KATNIP: variants seen among roughly 807,000 people sequenced by gnomAD.
The protein encoded by KATNIP is katanin interacting protein.
In KATNIP, 126 loss-of-function variants were observed where a neutral mutation model predicts 174.0. The ratio of observed to expected loss-of-function variants is 0.72; its 90% CI spans 0.63 to 0.84. KATNIP has a LOEUF of 0.84. KATNIP is among the 40% of genes least tolerant of loss of function. KATNIP has a pLI of 0.00. For synonymous variants in KATNIP, 810 were observed against 835.7 expected (o/e 0.97, Z 0.53); for missense variants, 1,958 against 2,109.7 (o/e 0.93, Z 1.41).
chr16:27,555,261 A>C (rs2089569310), intron 1 of KATNIP, among the ~76,000 whole-genome samples: 1 of 152,062 alleles, frequency 6.6e-6, no homozygotes, highest in African/African-American at 2.4e-5. Context: ...TGCCCTCCAA[A>C]CTGGACTGTA....
intron 24 of KATNIP, among the ~76,000 whole-genome samples, chr16:27,775,927 GCTT>G (rs574339608): frequency 6.6e-6 from 1 of 152,204 alleles, no homozygotes; most frequent in Non-Finnish European, 1.5e-5. Context: ...AGCGTCCTCA[GCTT>G]CCCCTGCCCC....
At chr16:27,680,975 G>A (rs977120488) in intron 7 of KATNIP, among the ~76,000 whole-genome samples, 4 of 152,168 alleles carry the variant, frequency 2.6e-5, no homozygotes, top group Non-Finnish European at 2.9e-5. Flanking sequence ...GATTAGAGGC[G>A]TGAGCCACTG....
intron 18 of KATNIP, among the ~76,000 whole-genome samples, chr16:27,758,416 A>G (rs755158832): frequency 1.5e-4 from 23 of 152,168 alleles, no homozygotes; most frequent in Non-Finnish European, 2.2e-4. Context: ...GCCTTGTTCA[A>G]GCCATCCTTA....
Position 27,584,247 on chromosome 16 carries a change from G to A in KATNIP, c.63+10291G>A, listed in dbSNP as rs544870991. Among the ~76,000 whole-genome samples, 17 of 151,892 alleles carry A rather than the reference G, an allele frequency of 1.1e-4. No individual in the cohort carries two copies. The East Asian group carries it at 2.7e-3, about 24-fold the overall frequency. On this transcript the variant is annotated intron_variant, in intron 2 of 27. Coordinates refer to ENST00000261588, the MANE Select transcript of KATNIP (RefSeq NM_015202.5). The stretch of plus-strand genomic sequence containing the variant: ...TCAGCAACTTCAGCAAAGAGTGAGC[G>A]CTCTCCAAGGCTAACTCTTCAGCCA...
chr16:27,716,992 C>T lies in KATNIP; in HGVS notation c.1606-4566C>T, dbSNP rs1326716589. On this transcript the variant is annotated intron_variant, in intron 13 of 27. Coordinates refer to ENST00000261588, the MANE Select transcript of KATNIP (RefSeq NM_015202.5). ...CCCAAGTGGCTGGGACTACGGGCGG[C>T]GCCACCACACCCGGCTAATTTTTGT... 2.0e-5 allele frequency among the ~76,000 whole-genome samples: 3 copies of T among 152,010 alleles called. 1 individual carries two copies. Among genetic ancestry groups the T allele is most frequent in the African/African-American group, 4.8e-5 (2 of 41,374 alleles).
intron 21 of KATNIP, among the ~76,000 whole-genome samples, 168 bp from the exon 22 acceptor site, chr16:27,771,420 T>C (rs529397991): frequency 3.0e-4 from 46 of 152,278 alleles, no homozygotes; most frequent in Admixed American, 2.7e-3. Context: ...GACTGTCATC[T>C]AGAGCGGGAA....
intron 9 of KATNIP, 91 bp downstream of exon 9, chr16:27,698,591 G>C: frequency 3.0e-6 from 4 of 1,334,410 alleles, no homozygotes; most frequent in Non-Finnish European, 4.0e-6. Flanking sequence ...GTGCAGAAGA[G>C]AGAGGTGTAG....
At chr16:27,614,256 C>T (rs973319406) in intron 2 of KATNIP, among the ~76,000 whole-genome samples, 2 of 152,000 alleles carry the variant, frequency 1.3e-5, no homozygotes, top group African/African-American at 2.4e-5. Context: ...ACCTCCAACC[C>T]CCGGGTTCAA....
chr16:27,745,026 A>T (rs534062476), intron 15 of KATNIP, among the ~76,000 whole-genome samples: 193 of 152,338 alleles, frequency 1.3e-3, no homozygotes, highest in Non-Finnish European at 2.1e-3. Flanking sequence ...CGATCTCTTT[A>T]AAAAAAGAGA....
At chr16:27,566,354 C>T (rs2090087972) in intron 1 of KATNIP, among the ~76,000 whole-genome samples, 1 of 152,128 alleles carries the variant, frequency 6.6e-6, no homozygotes, top group African/African-American at 2.4e-5. Flanking sequence ...GCCTGGCCAA[C>T]ATGGCAAAAC....
intron 13 of KATNIP, among the ~76,000 whole-genome samples, chr16:27,710,137 A>C (rs2079509259): frequency 6.6e-6 from 1 of 152,178 alleles, no homozygotes; most frequent in African/African-American, 2.4e-5. Context: ...AGGTGGGCGG[A>C]TCACCTGAGG....
chr16:27,623,157 T>G (rs1053649741), intron 3 of KATNIP, among the ~76,000 whole-genome samples: 26 of 152,126 alleles, frequency 1.7e-4, no homozygotes, highest in Admixed American at 1.7e-3. Flanking sequence ...TCCTCTGACC[T>G]CTTCTTGCTC....
intron 13 of KATNIP, among the ~76,000 whole-genome samples, chr16:27,709,902 G>C (rs935033544): frequency 1.3e-5 from 2 of 152,170 alleles, no homozygotes; most frequent in African/African-American, 4.8e-5. Flanking sequence ...ACTACAGCTT[G>C]GAGAAGGGCA....
At chr16:27,774,288 G>A (rs772539276) in intron 23 of KATNIP, among the ~76,000 whole-genome samples, 8 of 152,256 alleles carry the variant, frequency 5.3e-5, no homozygotes, top group Non-Finnish European at 1.2e-4. Flanking sequence ...GCGACTCCTC[G>A]AAGCTATAAA....
intron 5 of KATNIP, among the ~76,000 whole-genome samples, chr16:27,640,974 A>G (rs536679304): frequency 9.4e-4 from 143 of 152,222 alleles, no homozygotes; most frequent in South Asian, 1.9e-3. Flanking sequence ...TGTCTCTACT[A>G]AAAATACAAA....
rs141783539 is a variant in KATNIP at position 27,723,671 on chromosome 16, A to C, written c.1743+1976A>C. 7.2e-5 allele frequency among the ~76,000 whole-genome samples: 11 copies of C among 152,270 alleles called. No homozygotes were observed. In the East Asian group the frequency reaches 1.5e-3, roughly 21 times the overall value. On this transcript the variant is annotated intron_variant, in intron 14 of 27. Coordinates refer to ENST00000261588, the MANE Select transcript of KATNIP (RefSeq NM_015202.5). ...TGAGCTCATGTTCCTAATAATCCAT[A>C]AGCAGTTGTGTTATCCTTACTGATA...
intron 13 of KATNIP, among the ~76,000 whole-genome samples, chr16:27,710,371 C>G (rs2079520046): frequency 6.6e-6 from 1 of 152,068 alleles, no homozygotes; most frequent in African/African-American, 2.4e-5. Flanking sequence ...AATAAACAAA[C>G]AAACAACAGA....
intron 8 of KATNIP, 45 bp from the exon 9 acceptor site, chr16:27,698,283 C>T (rs897515283): frequency 3.2e-5 from 50 of 1,563,448 alleles, no homozygotes; most frequent in Admixed American, 5.4e-5. Flanking sequence ...AGCTGCACTC[C>T]GAGAATATAA....
intron 6 of KATNIP, among the ~76,000 whole-genome samples, chr16:27,656,679 T>A (rs2077299142): frequency 1.3e-5 from 2 of 148,278 alleles, no homozygotes; most frequent in African/African-American, 5.0e-5. Context: ...CTCAGTAAAC[T>A]ATCGCAAGAA....
Sources: gnomAD v4.1 joint callset for allele counts (sites outside exome capture counted in the v4.1 genomes callset) on GRCh38, gnomAD v4.1.1 for gene constraint, MANE v1.5 for transcripts, NCBI Gene and HGNC (gene_info 2026-07-23, HGNC 2026-07-21) for gene names.